Variants in TRIB2 observed in about 807,000 individuals in gnomAD.
TRIB2 encodes tribbles pseudokinase 2, also known as tribbles homolog 2.
A neutral mutation model predicts 26.8 loss-of-function variants in TRIB2; 2 were observed. The observed-to-expected ratio is 0.07, with a 90% CI of 0.03 to 0.24. The LOEUF is 0.24. Among genes scored for constraint, TRIB2 ranks in the 10% least tolerant of loss-of-function variants. The pLI is 1.00. For synonymous variants in TRIB2, 189 were observed against 187.3 expected, an observed-to-expected ratio of 1.01 and a Z score of -0.08; for missense variants, 306 against 449.0, an observed-to-expected ratio of 0.68 and a Z score of 2.88.
chr2:12,740,236 C>A lies in TRIB2; in HGVS notation c.564-90C>A. On this transcript the variant is annotated intron_variant, in intron 2 of 2. Transcript: ENST00000155926. The surrounding 1 kb of genome is among the most constrained non-coding windows in gnomAD (Gnocchi z 5.8). Reference sequence around the variant, plus strand: ...TGAATGAATGTGAATGAGGAGTCTTCAGAAACACTATAGTCGGTTATGTTA... The same window carrying A: ...TGAATGAATGTGAATGAGGAGTCTTAAGAAACACTATAGTCGGTTATGTTA... 1 of 1,278,782 alleles carries A rather than the reference C, an allele frequency of 7.8e-7. No homozygotes were observed. Among genetic ancestry groups the A allele is most frequent in the South Asian group, 1.4e-5 (1 of 71,664 alleles). The allele number at this position is 1,278,782 out of a possible 1,614,324, so 79.2% of individuals were successfully genotyped here.
At chr2:12,725,868 C>T (rs777545576) in intron 2 of TRIB2, among the ~76,000 whole-genome samples, 18 of 152,224 alleles carry the variant, frequency 1.2e-4, no homozygotes, top group Non-Finnish European at 2.4e-4. Context: ...GGCCATGCAG[C>T]CGTGTTGCCC....
At chr2:12,729,049 T>C (rs1661394972) in intron 2 of TRIB2, among the ~76,000 whole-genome samples, 1 of 152,210 alleles carries the variant, frequency 6.6e-6, no homozygotes, top group African/African-American at 2.4e-5. Flanking sequence ...CGTTTTTGCT[T>C]TGAAGGAAAT....
chr2:12,719,450 C>A (rs1666676994), intron 1 of TRIB2, among the ~76,000 whole-genome samples: 1 of 152,014 alleles, frequency 6.6e-6, no homozygotes, highest in Non-Finnish European at 1.5e-5. Flanking sequence ...ACCCACCGGG[C>A]CCCAGACAAG....
chr2:12,718,190 C>T lies in TRIB2; in HGVS notation c.-118C>T, dbSNP rs574564523. On this transcript the variant is annotated 5_prime_UTR_variant, in exon 1 of 3. Transcript: ENST00000155926. The surrounding 1 kb of genome is among the most constrained non-coding windows in gnomAD (Gnocchi z 4.0). Reference sequence around the variant, plus strand: ...TTCTCCACGCAGCCCCTCTTCTGTCCCCTCCCCTCTCGCTCCCTTTTAAAA... The same window carrying T: ...TTCTCCACGCAGCCCCTCTTCTGTCTCCTCCCCTCTCGCTCCCTTTTAAAA... 58 of 1,341,858 alleles carry T rather than the reference C, an allele frequency of 4.3e-5. No individual in the cohort carries two copies. In the East Asian group the frequency reaches 5.9e-4, roughly 14 times the overall value. 83.1% of individuals were successfully genotyped at this position (1,341,858 alleles called of 1,614,324 possible). A position where few individuals can be genotyped will look rare whatever the true frequency, so the allele number is the denominator to read the frequency against.
chr2:12,724,676 C>T (rs781771642), intron 2 of TRIB2: 70 of 1,612,790 alleles, frequency 4.3e-5, no homozygotes, highest in Admixed American at 1.0e-4. Context: ...GTTTTGCCTT[C>T]GATACCCTCT....
At chr2:12,734,428 C>G (rs1324980178) in intron 2 of TRIB2, among the ~76,000 whole-genome samples, 2 of 152,080 alleles carry the variant, frequency 1.3e-5, no homozygotes, top group East Asian at 1.9e-4. Flanking sequence ...GCGGGAGGAA[C>G]AAGTGCAAAA....
chr2:12,724,879 T>C, intron 2 of TRIB2: 1 of 1,577,122 alleles, frequency 6.3e-7, no homozygotes, highest in Non-Finnish European at 8.6e-7. Flanking sequence ...CTGACAAAGG[T>C]ATTCTCTCTA....
At chr2:12,737,862 T>G (rs1661617178) in intron 2 of TRIB2, among the ~76,000 whole-genome samples, 1 of 152,206 alleles carries the variant, frequency 6.6e-6, no homozygotes, top group Non-Finnish European at 1.5e-5. Context: ...TAATTTTTTT[T>G]TTAAAGACTT....
intron 2 of TRIB2, among the ~76,000 whole-genome samples, chr2:12,725,955 A>G (rs895118181): frequency 4.6e-5 from 7 of 152,210 alleles, no homozygotes; most frequent in Admixed American, 3.9e-4. Flanking sequence ...CAGTGAGGTT[A>G]CTTGGCCTCA....
At position 12,723,267 on chromosome 2, in the gene TRIB2, A is replaced by G; in HGVS notation, c.278A>G (p.Asp93Gly). The change falls in exon 2 of 3, where the codon GAT becomes GGT. Residue 93 changes from aspartate (D) to glycine (G), a missense_variant. Coordinates refer to ENST00000155926, the MANE Select transcript of TRIB2 (RefSeq NM_021643.4). The part of the protein sequence containing the change: ...SGEELVCKVF[D>G]ISCYQESLAP... ...CTGTTAATCCTGTCGTAGGTGTTTG[A>G]TATCAGCTGCTACCAGGAATCCCTG... 7 of 1,612,756 alleles carry G rather than the reference A, an allele frequency of 4.3e-6. No individual in the cohort carries two copies. Among genetic ancestry groups the G allele is most frequent in the Non-Finnish European group, 5.1e-6 (6 of 1,179,742 alleles).
At chr2:12,723,022 A>T (rs528156866) in intron 1 of TRIB2, among the ~76,000 whole-genome samples, 174 of 152,246 alleles carry the variant, frequency 1.1e-3, no homozygotes, top group African/African-American at 4.0e-3. Context: ...TCCTCCTAAC[A>T]CTGTGAGTCA....
rs930717392 is a variant in TRIB2 at position 12,719,141 on chromosome 2, A to G, written c.270+564A>G. The stretch of plus-strand genomic sequence containing the variant: ...CCTTTCTTCTGCCTGGAGCCTTGAA[A>G]GGAGGGTTGGGGTGGAAATCAAAGC... On this transcript the variant is annotated intron_variant, in intron 1 of 2. Transcript: ENST00000155926. Among the ~76,000 whole-genome samples the G allele has an allele frequency of 1.2e-4, 18 of 152,118 alleles. No individual in the cohort carries two copies. In the East Asian group the frequency reaches 3.5e-3, roughly 29 times the overall value.
chr2:12,742,067 T>C lies in TRIB2; in HGVS notation c.*1273T>C, dbSNP rs760739757. ...TGGGATGACATATTACATGCTGTAG[T>C]TAACATTTATAATTCTTTTTCCTTG... On this transcript the variant is annotated 3_prime_UTR_variant, in exon 3 of 3. Transcript: ENST00000155926. 3.9e-5 allele frequency: 6 copies of C among 152,706 alleles called. No homozygotes were observed. Among genetic ancestry groups the C allele is most frequent in the Non-Finnish European group, 7.3e-5 (5 of 68,052 alleles). 9.5% of individuals were successfully genotyped at this position (152,706 alleles called of 1,614,324 possible).
At chr2:12,727,930 T>C (rs1661369004) in intron 2 of TRIB2, among the ~76,000 whole-genome samples, 1 of 152,044 alleles carries the variant, frequency 6.6e-6, no homozygotes, top group Admixed American at 6.6e-5. Context: ...GCACTCCGCC[T>C]CCCCCTCTCT....
Position 12,740,499 on chromosome 2 carries a change from C to T in TRIB2, c.737C>T (p.Thr246Ile), listed in dbSNP as rs756047229. The change falls in exon 3 of 3, where the codon ACC (threonine) becomes ATC (isoleucine). Residue 246 changes from threonine to isoleucine, a missense_variant. Thr to Ile is a moderately conservative substitution (Grantham distance 89). Coordinates refer to ENST00000155926, the MANE Select transcript of TRIB2 (RefSeq NM_021643.4). The surrounding 1 kb of genome is among the most constrained non-coding windows in gnomAD (Gnocchi z 5.8). The part of the protein sequence containing the change: ...DVWSLGVMLY[T>I]MLVGRYPFHD... ...TGGAGCCTGGGGGTGATGCTGTACACCATGTTGGTGGGGCGGTACCCTTTC... is the reference window on the plus strand; with the variant it reads ...TGGAGCCTGGGGGTGATGCTGTACATCATGTTGGTGGGGCGGTACCCTTTC... 6.2e-7 allele frequency: 1 copy of T among 1,614,118 alleles called. No individual in the cohort carries two copies. Among genetic ancestry groups the T allele is most frequent in the Non-Finnish European group, 8.5e-7 (1 of 1,180,036 alleles).
intron 2 of TRIB2, among the ~76,000 whole-genome samples, chr2:12,736,982 A>G (rs1414899774): frequency 6.6e-6 from 1 of 152,154 alleles, no homozygotes; most frequent in Non-Finnish European, 1.5e-5. Flanking sequence ...CAATTAGGGC[A>G]AGGGGACACT....
chr2:12,725,627 TG>T (rs1395406344), intron 2 of TRIB2, among the ~76,000 whole-genome samples: 1 of 152,230 alleles, frequency 6.6e-6, no homozygotes, highest in Non-Finnish European at 1.5e-5. Flanking sequence ...ACATTCCGTC[TG>T]GAAGTTACGT....
At chr2:12,730,676 C>T (rs1418725273) in intron 2 of TRIB2, among the ~76,000 whole-genome samples, 1 of 152,194 alleles carries the variant, frequency 6.6e-6, no homozygotes, top group Non-Finnish European at 1.5e-5. Flanking sequence ...TCCTCCATGC[C>T]TAGCACTGGA....
At chr2:12,733,848 A>C (rs769849395) in intron 2 of TRIB2, among the ~76,000 whole-genome samples, 1 of 151,770 alleles carries the variant, frequency 6.6e-6, no homozygotes, top group Non-Finnish European at 1.5e-5. Flanking sequence ...TAGTGGCGCA[A>C]GGGAGCTCTG....
Sources: allele counts gnomAD v4.1 joint callset (sites outside exome capture counted in the v4.1 genomes callset), GRCh38; gene constraint gnomAD v4.1.1; non-coding constraint Gnocchi (gnomAD v3.1); transcripts MANE v1.5; gene names NCBI Gene and HGNC (gene_info 2026-07-23, HGNC 2026-07-21).